Variants in CORO6 observed in about 807,000 individuals in gnomAD.
CORO6 encodes coronin 6.
Under a neutral mutation model 49.0 loss-of-function variants are expected in CORO6, and 43 were observed. That is an observed-to-expected ratio of 0.88 (90% confidence interval 0.69 to 1.13). CORO6 has a LOEUF of 1.13. Ranked by LOEUF, CORO6 falls within the 50% of genes most tolerant of loss-of-function variation. CORO6 has a pLI of 0.00. For missense variants in CORO6, 650 were observed against 647.0 expected, an observed-to-expected ratio of 1.00 and a Z score of -0.05; for synonymous variants, 233 against 256.5, an observed-to-expected ratio of 0.91 and a Z score of 0.88.
rs766304604 is a variant in CORO6, at chr17:29,617,580, C to A, written c.673G>T (p.Ala225Ser). 1.9e-6 allele frequency: 3 copies of A among 1,606,278 alleles called. No homozygotes were observed. Among genetic ancestry groups the A allele is most frequent in the Non-Finnish European group, 2.5e-6 (3 of 1,177,722 alleles). Residue 225 changes from alanine (A) to serine (S), a missense_variant, in exon 6 of 11, where the codon GCC becomes TCC. Transcript: ENST00000388767. ...ATATGGCCCTGGCGCGTGAAGACGG[C>A]CCGCATGGGCCTCATCCCCTCGTGG... ...AAHEGMRPMR[A>S]VFTRQGHIFT...
intron 2 of CORO6, among the ~76,000 whole-genome samples, chr17:29,620,398 G>C (rs1357486872): frequency 6.6e-6 from 1 of 152,226 alleles, no homozygotes; most frequent in Non-Finnish European, 1.5e-5. Context: ...TACTGAAAGA[G>C]CAGACATATT....
intron 5 of CORO6, 151 bp from the exon 6 acceptor site, chr17:29,617,770 T>C: frequency 1.1e-6 from 1 of 872,446 alleles, no homozygotes; most frequent in South Asian, 1.8e-5. Context: ...CTCAGCTTCC[T>C]GCGGGGCCAC....
chr17:29,617,995 C>G, intron 5 of CORO6: 1 of 1,387,454 alleles, frequency 7.2e-7, no homozygotes, highest in Non-Finnish European at 9.4e-7. Flanking sequence ...GAAGGCGCTC[C>G]CGGCAGACCC....
At chr17:29,618,685 C>T in intron 5 of CORO6, 105 bp downstream of exon 5, 3 of 1,459,818 alleles carry the variant, frequency 2.1e-6, no homozygotes, top group South Asian at 2.7e-5. Flanking sequence ...AGGGATGCGA[C>T]AGGTGAAAGC....
chr17:29,615,601 G>T lies in CORO6; in HGVS notation c.*131C>A. 1 of 997,870 alleles carries T rather than the reference G, an allele frequency of 1.0e-6. No individual in the cohort carries two copies. 61.8% of individuals were successfully genotyped at this position (997,870 alleles called of 1,614,324 possible). On this transcript the variant is annotated 3_prime_UTR_variant, in exon 11 of 11. Transcript: ENST00000388767. ...TCCAAGAGTTCTGGTCTCCCGCGAG[G>T]GGCGGAGTTCCCTCCCCAGTCCCGC...
At chr17:29,617,966 G>A in intron 5 of CORO6, 1 of 1,217,920 alleles carries the variant, frequency 8.2e-7, no homozygotes, top group Non-Finnish European at 1.1e-6. Flanking sequence ...TGGCCTCTTG[G>A]GCGCCAGCCA....
chr17:29,622,633 G>A, intron 1 of CORO6, 55 bp downstream of exon 1: 5 of 1,076,264 alleles, frequency 4.6e-6, no homozygotes, highest in Non-Finnish European at 5.9e-6. Flanking sequence ...TGCCCCTCAG[G>A]GACCCCGCCC....
rs1039026647 is a variant in CORO6 at position 29,621,299 on chromosome 17, G to A, written c.123C>T (p.Ala41=). Residue 41 remains alanine, a synonymous_variant, in exon 2 of 11, where the codon GCC becomes GCT. Transcript: ENST00000388767. The surrounding 1 kb of genome is among the most constrained non-coding windows in gnomAD (Gnocchi z 4.2). The part of the protein sequence containing the change: ...SKVTWDSSFC[A]VNPKFLAIIV... ...TAATGGCCAGGAATTTGGGGTTGAC[G>A]GCACAGAAGGAGCTGTCCCATGTGA... The A allele has an allele frequency of 8.7e-6, 14 of 1,614,066 alleles. No homozygotes were observed. Among genetic ancestry groups the A allele is most frequent in the South Asian group, 5.5e-5 (5 of 91,086 alleles).
intron 5 of CORO6, chr17:29,618,469 C>A: frequency 7.7e-7 from 1 of 1,294,036 alleles, no homozygotes; most frequent in Admixed American, 3.7e-5. Context: ...GGTCCAGGAG[C>A]TCAGGTTTCA....
In CORO6 at chr17:29,622,750, C is replaced by A. The variant is rs9890056; in HGVS notation, c.-126G>T. On this transcript the variant is annotated 5_prime_UTR_variant, in exon 1 of 11. Transcript: ENST00000388767. ...ATCCTCTGCGGAAGGGGCCCGAGTG[C>A]GTAGGGGGCCGAGGAAGGCTTCAGG... The A allele has an allele frequency of 7.5e-3, 9,829 of 1,319,268 alleles. 602 individuals carry two copies. The African/African-American group carries it at 0.13, about 18-fold the overall frequency. The allele number at this position is 1,319,268 out of a possible 1,614,324, so 81.7% of individuals were successfully genotyped here. A position where few individuals can be genotyped will look rare whatever the true frequency, so the allele number is the denominator to read the frequency against.
rs1343067333 is a variant in CORO6, at chr17:29,616,098, G to A, written c.1140C>T (p.Ser380=). The change falls in exon 10 of 11, where the codon TCC becomes TCT. Residue 380 remains serine (S), a synonymous_variant. Coordinates refer to ENST00000388767, the MANE Select transcript of CORO6 (RefSeq NM_032854.4). This position sits in a 1 kb window ranked among gnomAD's most constrained non-coding sequence, Gnocchi z 5.6. ...EPALEADEWL[S]GQDAEPVLIS... Reference sequence around the variant, plus strand: ...TGAGCACGGGTTCGGCGTCCTGGCCGGATAGCCATTCGTCCGCTTCTAGGG... The same window carrying A: ...TGAGCACGGGTTCGGCGTCCTGGCCAGATAGCCATTCGTCCGCTTCTAGGG... 6.2e-7 allele frequency: 1 copy of A among 1,613,040 alleles called. No homozygotes were observed. The highest frequency in any genetic ancestry group is 1.3e-5 in the African/African-American group (1 of 74,940).
intron 5 of CORO6, 114 bp from the exon 6 acceptor site, chr17:29,617,733 G>C (rs1027859040): frequency 1.7e-6 from 2 of 1,180,438 alleles, no homozygotes; most frequent in Non-Finnish European, 2.3e-6. Flanking sequence ...GAGCGGATGC[G>C]GGGAAGAGAC....
Position 29,619,690 on chromosome 17 carries a change from G to A in CORO6, c.282C>T (p.Asp94=), listed in dbSNP as rs1358435250. The A allele has an allele frequency of 1.2e-6, 2 of 1,613,708 alleles. No individual in the cohort carries two copies. The highest frequency in any genetic ancestry group is 1.3e-5 in the African/African-American group (1 of 75,042). The change falls in exon 3 of 11, where the codon GAC becomes GAT. Residue 94 remains aspartate (D), a synonymous_variant. Transcript: ENST00000388767. Reference sequence around the variant, plus strand: ...CGTCTGAGGCACTGGCGATAACGTTGTCATTGTGTGGACACCAGTCAATAT... The same window carrying A: ...CGTCTGAGGCACTGGCGATAACGTTATCATTGTGTGGACACCAGTCAATAT... ...VLDIDWCPHN[D]NVIASASDDT...
chr17:29,618,957 TCA>T lies in CORO6; in HGVS notation c.464_465del (p.Val155AspfsTer17). ...CCGGTGCCCACATTCCAGATGATGA[TCA>T]CATTGTCACCACCTGCCCAGAGTGG... ...NVLLSAGGDN[V>X]IIIWNVGTGE... On this transcript the variant is annotated frameshift_variant, in exon 5 of 11. Transcript: ENST00000388767. LOFTEE classifies it high-confidence loss of function. 1 of 1,613,620 alleles carries T rather than the reference TCA, an allele frequency of 6.2e-7. No homozygotes were observed. Among genetic ancestry groups the T allele is most frequent in the Non-Finnish European group, 8.5e-7 (1 of 1,179,980 alleles).
intron 5 of CORO6, chr17:29,618,310 C>T (rs985652231): frequency 4.7e-5 from 61 of 1,295,544 alleles, no homozygotes; most frequent in Middle Eastern, 5.8e-4. Context: ...GGCCGCCGCC[C>T]TCCCAGGGCA....
At chr17:29,618,113 C>T (rs1239145730) in intron 5 of CORO6, 2 of 1,449,904 alleles carry the variant, frequency 1.4e-6, no homozygotes, top group Non-Finnish European at 1.8e-6. Context: ...AGCTTCCCGT[C>T]TGCGGTGAAG....
At chr17:29,620,737 CT>C (rs2035266430) in intron 2 of CORO6, among the ~76,000 whole-genome samples, 1 of 152,142 alleles carries the variant, frequency 6.6e-6, no homozygotes, top group African/African-American at 2.4e-5. Context: ...CCCTTTCTTT[CT>C]ACTTCACTGC....
At chr17:29,618,740 G>C in intron 5 of CORO6, 50 bp downstream of exon 5, 1 of 1,588,812 alleles carries the variant, frequency 6.3e-7, no homozygotes, top group Non-Finnish European at 8.6e-7. Context: ...GGTGCTGACA[G>C]CTGGCCACTG....
Position 29,615,564 on chromosome 17 carries a change from T to C in CORO6, c.*168A>G. The C allele has an allele frequency of 4.4e-6, 3 of 683,350 alleles. No homozygotes were observed. Among genetic ancestry groups the C allele is most frequent in the Non-Finnish European group, 4.5e-6 (2 of 440,016 alleles). 42.3% of individuals were successfully genotyped at this position (683,350 alleles called of 1,614,324 possible). On this transcript the variant is annotated 3_prime_UTR_variant, in exon 11 of 11. Transcript: ENST00000388767. The stretch of plus-strand genomic sequence containing the variant: ...CCAGCCTCCGCTGGAGCGACGTGGG[T>C]CTCCCCTAAGCTCCAAGAGTTCTGG...
Sources: allele counts gnomAD v4.1 joint callset (sites outside exome capture counted in the v4.1 genomes callset), GRCh38; gene constraint gnomAD v4.1.1; non-coding constraint Gnocchi (gnomAD v3.1); transcripts MANE v1.5; gene names NCBI Gene and HGNC (gene_info 2026-07-23, HGNC 2026-07-21).